Variants in SLC44A5 observed in about 807,000 individuals in gnomAD.
The protein encoded by SLC44A5 is solute carrier family 44 member 5.
In SLC44A5, 57 loss-of-function variants were observed where a neutral mutation model predicts 101.8. That is an observed-to-expected ratio of 0.56 (90% CI 0.45 to 0.70). The LOEUF (loss-of-function observed/expected upper bound fraction) is 0.70, where lower values mean the gene tolerates loss of function less well. SLC44A5 is among the 30% of genes least tolerant of loss of function. The pLI is 0.00. For missense variants in SLC44A5, 737 were observed against 853.1 expected, an observed-to-expected ratio of 0.86 and a Z score of 1.70; for synonymous variants, 281 against 290.9, an observed-to-expected ratio of 0.97 and a Z score of 0.35.
chr1:75,345,519 G>C (rs1312969022), intron 3 of SLC44A5, among the ~76,000 whole-genome samples: 1 of 152,116 alleles, frequency 6.6e-6, no homozygotes, highest in Non-Finnish European at 1.5e-5. Flanking sequence ...GATCAGTGTA[G>C]AATCAGTACA....
chr1:75,335,551 T>A (rs1201901331), intron 4 of SLC44A5, among the ~76,000 whole-genome samples: 1 of 152,206 alleles, frequency 6.6e-6, no homozygotes, highest in Non-Finnish European at 1.5e-5. Context: ...GATCCTTACA[T>A]AGGATCCTCT....
chr1:75,696,629 C>T, the SLC44A5 span, among the ~76,000 whole-genome samples: 1 of 152,150 alleles, frequency 6.6e-6, no homozygotes, highest in African/African-American at 2.4e-5. Context: ...GGTGCGGTGG[C>T]TCACGCCTGT....
At chr1:75,638,007 T>C in the SLC44A5 span, among the ~76,000 whole-genome samples, 3 of 152,078 alleles carry the variant, frequency 2.0e-5, no homozygotes, top group South Asian at 6.2e-4. Flanking sequence ...TGACATAGTT[T>C]TGCCAAATTA....
Position 75,302,104 on chromosome 1 carries a change from GTTTTTTTGTTTTTTTTT to G in SLC44A5, c.102-1436_102-1420del, listed in dbSNP as rs1450928139. 2.2e-4 allele frequency among the ~76,000 whole-genome samples: 11 copies of G among 49,590 alleles called. 1 individual carries two copies. Among genetic ancestry groups the G allele is most frequent in the African/African-American group, 7.6e-4 (8 of 10,534 alleles). 32.5% of individuals were successfully genotyped at this position (49,590 alleles called of 152,430 possible). A position where few individuals can be genotyped will look rare whatever the true frequency, so the allele number is the denominator to read the frequency against. ...ACAAGAGAAGAAAGCAGGTGCTCTAGTTTTTTTGTTTTTTTTTTTTTTTTTTTTTTTTGGTTAACAAC... is the reference window on the plus strand; with the variant it reads ...ACAAGAGAAGAAAGCAGGTGCTCTAGTTTTTTTTTTTTTTTGGTTAACAAC... On this transcript the variant is annotated intron_variant, in intron 4 of 23. Transcript: ENST00000370859.
At chr1:75,251,138 G>A in intron 7 of SLC44A5, 72 bp downstream of exon 7, 1 of 1,236,220 alleles carries the variant, frequency 8.1e-7, no homozygotes, top group Non-Finnish European at 1.2e-6. Context: ...AACTCAAATG[G>A]AATTTCTCAA....
intron 23 of SLC44A5, among the ~76,000 whole-genome samples, chr1:75,210,237 A>G (rs1646826840): frequency 6.7e-6 from 1 of 150,250 alleles, no homozygotes; most frequent in East Asian, 1.9e-4. Context: ...TTATTTATTT[A>G]TTTTCTAGAG....
At chr1:75,637,694 G>T in the SLC44A5 span, among the ~76,000 whole-genome samples, 2 of 152,008 alleles carry the variant, frequency 1.3e-5, no homozygotes, top group Non-Finnish European at 2.9e-5. Flanking sequence ...ATTAAGCAGA[G>T]TAAAATATTT....
intron 18 of SLC44A5, among the ~76,000 whole-genome samples, chr1:75,217,651 A>G (rs1487013875): frequency 6.6e-6 from 1 of 152,064 alleles, no homozygotes; most frequent in Non-Finnish European, 1.5e-5. Flanking sequence ...AAATAGGATC[A>G]CACACCTTTT....
intron 13 of SLC44A5, among the ~76,000 whole-genome samples, chr1:75,222,812 GTAAGACAATA>G (rs980594304): frequency 2.0e-5 from 3 of 152,180 alleles, no homozygotes; most frequent in Non-Finnish European, 4.4e-5. Flanking sequence ...AGTTCATTAA[GTAAGACAATA>G]TACAGAAGAC....
At chr1:75,414,195 T>A (rs1217528672) in intron 2 of SLC44A5, among the ~76,000 whole-genome samples, 1 of 152,032 alleles carries the variant, frequency 6.6e-6, no homozygotes, top group African/African-American at 2.4e-5. Flanking sequence ...CCACTACTCC[T>A]TCCTAAATCA....
chr1:75,237,770 T>C (rs1165910441), intron 10 of SLC44A5, among the ~76,000 whole-genome samples: 1 of 152,124 alleles, frequency 6.6e-6, no homozygotes, highest in African/African-American at 2.4e-5. Flanking sequence ...GATTTATATT[T>C]CTGAAAATCA....
chr1:75,400,604 T>C (rs1662415204), intron 2 of SLC44A5, among the ~76,000 whole-genome samples: 1 of 152,198 alleles, frequency 6.6e-6, no homozygotes, highest in South Asian at 2.1e-4. Context: ...TTCTTGTCAC[T>C]GTCAGCAGCT....
Position 75,202,396 on chromosome 1 carries a change from CAA to C in SLC44A5, c.*1329_*1330del, listed in dbSNP as rs1646679941. 1 of 152,080 alleles carries C rather than the reference CAA, an allele frequency of 6.6e-6. No individual in the cohort carries two copies. The highest frequency in any genetic ancestry group is 1.5e-5 in the Non-Finnish European group (1 of 68,000). 9.4% of individuals were successfully genotyped at this position (152,080 alleles called of 1,614,324 possible). Reference sequence around the variant, plus strand: ...TAGTAACTTACTGATGATTGATTCTCAAAGCTTTCACAAATTATCATTATATG... The same window carrying C: ...TAGTAACTTACTGATGATTGATTCTCAGCTTTCACAAATTATCATTATATG... On this transcript the variant is annotated 3_prime_UTR_variant, in exon 24 of 24. Transcript: ENST00000370859.
chr1:75,679,623 G>A, the SLC44A5 span, among the ~76,000 whole-genome samples: 4 of 152,014 alleles, frequency 2.6e-5, no homozygotes, highest in African/African-American at 4.8e-5. Flanking sequence ...CGCTAAACAT[G>A]GAAAGGAACA....
intron 6 of SLC44A5, among the ~76,000 whole-genome samples, chr1:75,258,404 C>T (rs1263377422): frequency 6.6e-6 from 1 of 151,886 alleles, no homozygotes; most frequent in African/African-American, 2.4e-5. Flanking sequence ...TTTACAAAGT[C>T]GTTGGGAAGT....
rs1466058037 is a variant in SLC44A5, at chr1:75,292,022, AAAG to A, written c.175+8587_175+8589del. 1.0e-4 allele frequency among the ~76,000 whole-genome samples: 15 copies of A among 146,020 alleles called. 1 individual carries two copies. The highest frequency in any genetic ancestry group is 1.4e-4 in the Admixed American group (2 of 14,144). On this transcript the variant is annotated intron_variant, in intron 5 of 23. Coordinates refer to ENST00000370859, the MANE Select transcript of SLC44A5 (RefSeq NM_001130058.2). ...GCGAGACTCTGTCTCAAAAAAAAAA[AAAG>A]AAAAGAAAAGAAAGCAGGGTAAAGC...
chr1:75,600,673 T>A (rs1056441194), intron 1 of SLC44A5, among the ~76,000 whole-genome samples: 2 of 152,178 alleles, frequency 1.3e-5, no homozygotes, highest in Non-Finnish European at 2.9e-5. Flanking sequence ...GATATTGTAT[T>A]TTTACTGTAC....
rs190786754 is a variant in SLC44A5 at position 75,231,776 on chromosome 1, G to A, written c.853+2210C>T. On this transcript the variant is annotated intron_variant, in intron 12 of 23. Transcript: ENST00000370859. ...GTTAATATGTGATGAATCTGGGATC[G>A]TGCCTTTTTCATACCTTAAATAGAT... Among the ~76,000 whole-genome samples, 63 of 152,204 alleles carry A rather than the reference G, an allele frequency of 4.1e-4. No individual in the cohort carries two copies. In the South Asian group the frequency reaches 9.8e-3, roughly 24 times the overall value.
intron 2 of SLC44A5, among the ~76,000 whole-genome samples, chr1:75,536,586 G>C (rs1349521311): frequency 9.4e-6 from 1 of 106,494 alleles, no homozygotes; most frequent in Non-Finnish European, 1.7e-5. Context: ...GGGCGACAGA[G>C]CAAGACTCCA....
Sources: gnomAD v4.1 joint callset for allele counts (sites outside exome capture counted in the v4.1 genomes callset) on GRCh38, gnomAD v4.1.1 for gene constraint, MANE v1.5 for transcripts, NCBI Gene and HGNC (gene_info 2026-07-23, HGNC 2026-07-21) for gene names.